RANBP2: variants seen among roughly 807,000 people sequenced by gnomAD.
RANBP2 encodes RAN binding protein 2.
A neutral mutation model predicts 303.6 loss-of-function variants in RANBP2; 57 were observed. That is an observed-to-expected ratio of 0.19 (90% CI 0.15 to 0.23). The LOEUF is 0.23. Ranked by LOEUF, RANBP2 falls within the 10% of genes least tolerant of loss-of-function variation. The pLI, the probability that RANBP2 is intolerant of heterozygous loss-of-function variation, is 1.00. For missense variants in RANBP2, 3,138 were observed against 3,780.8 expected (o/e 0.83, Z 4.46); for synonymous variants, 1,167 against 1,301.5 (o/e 0.90, Z 2.23).
the RANBP2 span, among the ~76,000 whole-genome samples, chr2:109,570,124 G>A: frequency 6.6e-6 from 1 of 152,138 alleles, no homozygotes; most frequent in Non-Finnish European, 1.5e-5. Context: ...AAGCTTAGGG[G>A]TTAACTTCCT....
the RANBP2 span, among the ~76,000 whole-genome samples, chr2:108,800,999 T>A: frequency 5.4e-5 from 3 of 56,002 alleles, no homozygotes; most frequent in Admixed American, 2.3e-4. Flanking sequence ...GGTATATATG[T>A]GCCACATTTT....
chr2:108,768,840 C>T (rs1677298023), intron 20 of RANBP2, among the ~76,000 whole-genome samples: 1 of 152,028 alleles, frequency 6.6e-6, no homozygotes, highest in South Asian at 2.1e-4. Flanking sequence ...CGAGACCAGC[C>T]TGGCCAGCAT....
chr2:109,712,189 T>C, the RANBP2 span, among the ~76,000 whole-genome samples: 3 of 152,266 alleles, frequency 2.0e-5, no homozygotes, highest in Admixed American at 1.3e-4. Context: ...CCCAGTGAGC[T>C]CAGGGCTGCC....
chr2:109,070,110 GT>G, the RANBP2 span, among the ~76,000 whole-genome samples: 8 of 152,156 alleles, frequency 5.3e-5, no homozygotes, highest in Non-Finnish European at 1.2e-4. Context: ...GAGACTATAC[GT>G]TCAAAGGGTG....
the RANBP2 span, chr2:109,398,446 C>A: frequency 2.6e-6 from 2 of 761,232 alleles, no homozygotes; most frequent in Admixed American, 2.9e-5. Flanking sequence ...ACCCCACCAG[C>A]CTCTTCTGTG....
chr2:109,170,843 G>T, the RANBP2 span, among the ~76,000 whole-genome samples: 1 of 152,206 alleles, frequency 6.6e-6, no homozygotes, highest in South Asian at 2.1e-4. Context: ...CAGAGAGGGC[G>T]CTTTTCTCCC....
chr2:109,716,804 C>T, the RANBP2 span, among the ~76,000 whole-genome samples: 1 of 152,200 alleles, frequency 6.6e-6, no homozygotes, highest in Non-Finnish European at 1.5e-5. Flanking sequence ...CCACCTCTGC[C>T]TTCCAAAGTG....
At chr2:109,559,909 GCCTTT>G in the RANBP2 span, among the ~76,000 whole-genome samples, 1 of 115,178 alleles carries the variant, frequency 8.7e-6, no homozygotes, top group Non-Finnish European at 1.7e-5. Flanking sequence ...TCCAACCAAT[GCCTTT>G]TTTTTTTTTT....
At chr2:109,578,093 A>G in the RANBP2 span, among the ~76,000 whole-genome samples, 1 of 152,136 alleles carries the variant, frequency 6.6e-6, no homozygotes, top group South Asian at 2.1e-4. Flanking sequence ...GAGAACCACT[A>G]TAAGCATAGA....
At chr2:109,240,072 T>C in the RANBP2 span, among the ~76,000 whole-genome samples, 1 of 152,182 alleles carries the variant, frequency 6.6e-6, no homozygotes, top group Non-Finnish European at 1.5e-5. Context: ...TGTTTTCTTA[T>C]GTGAGTGAAG....
the RANBP2 span, among the ~76,000 whole-genome samples, chr2:109,202,962 T>C: frequency 1.3e-5 from 2 of 152,204 alleles, no homozygotes; most frequent in African/African-American, 4.8e-5. Flanking sequence ...GAGCTGGTCT[T>C]GTGCCTGAGG....
chr2:108,991,560 GCCACCTGCCCC>G, the RANBP2 span, among the ~76,000 whole-genome samples: 1 of 152,214 alleles, frequency 6.6e-6, no homozygotes, highest in South Asian at 2.1e-4. Flanking sequence ...AGCCCGGCCA[GCCACCTGCCCC>G]CTTCATGAGG....
the RANBP2 span, chr2:108,923,496 A>C: frequency 6.4e-7 from 1 of 1,569,570 alleles, no homozygotes; most frequent in Non-Finnish European, 8.8e-7. Flanking sequence ...GGTGAGCTGG[A>C]CAGCACACAG....
At chr2:109,009,327 G>A in the RANBP2 span, among the ~76,000 whole-genome samples, 24 of 151,868 alleles carry the variant, frequency 1.6e-4, no homozygotes, top group African/African-American at 5.6e-4. Flanking sequence ...GCGACAGAGT[G>A]AGACTGTCTC....
the RANBP2 span, among the ~76,000 whole-genome samples, chr2:109,610,095 G>GTTTTTTTTTTTTTTTTTT: frequency 7.0e-6 from 1 of 143,434 alleles, no homozygotes; most frequent in African/African-American, 2.6e-5. Flanking sequence ...TCCCTGAGGT[G>GTTTTTTTTTTTTTTTTTT]TTTTTTTTTT....
chr2:109,231,977 T>C, the RANBP2 span, among the ~76,000 whole-genome samples: 13 of 152,240 alleles, frequency 8.5e-5, no homozygotes, highest in African/African-American at 2.9e-4. Context: ...GTAGAATATT[T>C]TATCCTTTTT....
At chr2:108,966,987 T>C in the RANBP2 span, among the ~76,000 whole-genome samples, 1 of 152,180 alleles carries the variant, frequency 6.6e-6, no homozygotes. Context: ...CAGGCTGGAG[T>C]GCTGTGGCAC....
chr2:108,995,741 A>G, the RANBP2 span, among the ~76,000 whole-genome samples: 3 of 152,170 alleles, frequency 2.0e-5, no homozygotes, highest in African/African-American at 4.8e-5. Context: ...AAGGCTGCCA[A>G]CTCATCTGGG....
At chr2:109,698,423 G>A in the RANBP2 span, among the ~76,000 whole-genome samples, 2 of 150,710 alleles carry the variant, frequency 1.3e-5, no homozygotes, top group Admixed American at 6.6e-5. Context: ...CTGAGATCGC[G>A]CCACTGCACT....
Sources: allele counts gnomAD v4.1 joint callset (sites outside exome capture counted in the v4.1 genomes callset), GRCh38; gene constraint gnomAD v4.1.1; transcripts MANE v1.5; gene names NCBI Gene and HGNC (gene_info 2026-07-23, HGNC 2026-07-21).